The following NUDT3 variants were observed in gnomAD, a reference collection of about 807,000 sequenced individuals.
The protein encoded by NUDT3 is diphosphoinositol polyphosphate phosphohydrolase 1.
In NUDT3, 9 loss-of-function variants were observed where a neutral mutation model predicts 23.6. The observed-to-expected ratio is 0.38, with a 90% CI of 0.23 to 0.66. The LOEUF is 0.66. Ranked by LOEUF, NUDT3 falls within the 30% of genes least tolerant of loss-of-function variation. The pLI is 0.52. For missense variants in NUDT3, 172 were observed against 218.5 expected (o/e 0.79, Z 1.34); for synonymous variants, 86 against 82.6 (o/e 1.04, Z -0.22).
At chr6:34,360,805 T>C (rs1764638765) in intron 1 of NUDT3, among the ~76,000 whole-genome samples, 1 of 151,958 alleles carries the variant, frequency 6.6e-6, no homozygotes, top group Non-Finnish European at 1.5e-5. Context: ...AAAAAAAATA[T>C]TTTCACAAGA....
chr6:34,322,903 G>A (rs900764616), intron 2 of NUDT3, among the ~76,000 whole-genome samples: 4 of 152,186 alleles, frequency 2.6e-5, no homozygotes, highest in African/African-American at 9.7e-5. Flanking sequence ...TATACAAAAT[G>A]GAATACTATG....
Position 34,287,244 on chromosome 6 carries a change from A to G in NUDT3, c.*1509T>C, listed in dbSNP as rs570284897. ...GAATTTTTAAATGAGGCGAACTATG[A>G]TTTTAATTTCACATCTTGGCTAAGG... On this transcript the variant is annotated 3_prime_UTR_variant, in exon 5 of 5. Transcript: ENST00000607016. 6.6e-6 allele frequency: 1 copy of G among 152,284 alleles called. No individual in the cohort carries two copies. Among genetic ancestry groups the G allele is most frequent in the South Asian group, 2.1e-4 (1 of 4,816 alleles). 9.4% of individuals were successfully genotyped at this position (152,284 alleles called of 1,614,324 possible). A position where few individuals can be genotyped will look rare whatever the true frequency, so the allele number is the denominator to read the frequency against.
chr6:34,371,505 A>G (rs1204527672), intron 1 of NUDT3, among the ~76,000 whole-genome samples: 19 of 152,144 alleles, frequency 1.2e-4, no homozygotes, highest in Admixed American at 1.2e-3. Context: ...AGCAAGTCTC[A>G]TACTCAGCAG....
At chr6:34,391,494 G>A (rs1211841259) in intron 1 of NUDT3, among the ~76,000 whole-genome samples, 1 of 152,084 alleles carries the variant, frequency 6.6e-6, no homozygotes, top group Non-Finnish European at 1.5e-5. Flanking sequence ...AAAAGAAACT[G>A]ATTCTAAAAC....
chr6:34,306,441 G>T (rs1298858934), intron 2 of NUDT3, among the ~76,000 whole-genome samples: 3 of 152,168 alleles, frequency 2.0e-5, no homozygotes, highest in Non-Finnish European at 4.4e-5. Context: ...GGCAAGGGTT[G>T]CATTTAGTGT....
rs370141242 is a variant in NUDT3 at position 34,345,925 on chromosome 6, C to T, written c.100-3953G>A. 5.3e-5 allele frequency among the ~76,000 whole-genome samples: 8 copies of T among 152,036 alleles called. No homozygotes were observed. The South Asian group carries it at 1.0e-3, about 20-fold the overall frequency. On this transcript the variant is annotated intron_variant, in intron 1 of 4. Coordinates refer to ENST00000607016, the MANE Select transcript of NUDT3 (RefSeq NM_006703.4). Reference sequence around the variant, plus strand: ...CTGGGATTACAGGAATGCACCACCACGCCCGGCCGATTTTTGTATTTTTAG... The same window carrying T: ...CTGGGATTACAGGAATGCACCACCATGCCCGGCCGATTTTTGTATTTTTAG...
At chr6:34,384,264 T>C (rs901544574) in intron 1 of NUDT3, among the ~76,000 whole-genome samples, 8 of 152,214 alleles carry the variant, frequency 5.3e-5, no homozygotes, top group African/African-American at 1.9e-4. Flanking sequence ...AGCTCCCCTT[T>C]GCCAAGAGAT....
chr6:34,389,462 G>C (rs1765160344), intron 1 of NUDT3, among the ~76,000 whole-genome samples: 1 of 152,068 alleles, frequency 6.6e-6, no homozygotes, highest in South Asian at 2.1e-4. Context: ...CTTTATAACA[G>C]TGTGAAAATG....
intron 1 of NUDT3, among the ~76,000 whole-genome samples, chr6:34,380,079 T>G (rs879641813): frequency 1.1e-4 from 16 of 151,932 alleles, no homozygotes; most frequent in Non-Finnish European, 2.2e-4. Context: ...TTTTTATCTA[T>G]TTATTTATTT....
intron 1 of NUDT3, among the ~76,000 whole-genome samples, chr6:34,359,585 T>A (rs1225140335): frequency 1.3e-5 from 2 of 152,338 alleles, no homozygotes; most frequent in Middle Eastern, 3.4e-3. Flanking sequence ...TCATCCATAT[T>A]GTAGCATGTA....
chr6:34,341,748 C>A (rs781593805), intron 2 of NUDT3, 114 bp downstream of exon 2: 185 of 881,342 alleles, frequency 2.1e-4, no homozygotes, highest in Middle Eastern at 1.5e-3. Flanking sequence ...ATTCATTGCC[C>A]TTTTTCTGTG....
chr6:34,383,579 T>A (rs1450401037), intron 1 of NUDT3, among the ~76,000 whole-genome samples: 1 of 152,204 alleles, frequency 6.6e-6, no homozygotes, highest in Non-Finnish European at 1.5e-5. Flanking sequence ...CAAAAATGTG[T>A]GCTGAAGAAA....
intron 2 of NUDT3, among the ~76,000 whole-genome samples, chr6:34,334,380 T>TGTA (rs1244827115): frequency 2.0e-5 from 3 of 152,180 alleles, no homozygotes; most frequent in Non-Finnish European, 4.4e-5. Context: ...GGCTCACACC[T>TGTA]GTAATCCCAG....
At chr6:34,326,132 C>T (rs1376917147) in intron 2 of NUDT3, among the ~76,000 whole-genome samples, 2 of 150,834 alleles carry the variant, frequency 1.3e-5, no homozygotes, top group African/African-American at 5.0e-5. Context: ...AATGGAAGTT[C>T]GAGAATGCCA....
intron 1 of NUDT3, among the ~76,000 whole-genome samples, chr6:34,373,275 T>C (rs980834305): frequency 3.0e-5 from 3 of 98,692 alleles, no homozygotes; most frequent in African/African-American, 2.0e-4. Context: ...AAAGACTCCG[T>C]CTCAAAAAAA....
chr6:34,335,762 T>G (rs527477237), intron 2 of NUDT3, among the ~76,000 whole-genome samples: 9 of 151,758 alleles, frequency 5.9e-5, no homozygotes, highest in South Asian at 2.1e-4. Context: ...GTTTTTTTTT[T>G]TTGTTTTTTA....
intron 2 of NUDT3, among the ~76,000 whole-genome samples, chr6:34,299,887 A>AGC (rs1763572530): frequency 6.7e-6 from 1 of 149,946 alleles, no homozygotes; most frequent in Admixed American, 6.6e-5. Flanking sequence ...TGGGTGACAC[A>AGC]GTGAGACTGT....
intron 1 of NUDT3, among the ~76,000 whole-genome samples, chr6:34,358,465 T>G (rs967507026): frequency 2.0e-5 from 3 of 152,206 alleles, no homozygotes; most frequent in Non-Finnish European, 2.9e-5. Context: ...TTCTTTTTTG[T>G]TACTGTTATA....
chr6:34,297,393 G>A (rs371546322), intron 2 of NUDT3, among the ~76,000 whole-genome samples: 1 of 151,928 alleles, frequency 6.6e-6, no homozygotes, highest in Admixed American at 6.6e-5. Flanking sequence ...GGTTGGAAAG[G>A]CAGTTCTGTA....
Sources: allele counts gnomAD v4.1 joint callset (sites outside exome capture counted in the v4.1 genomes callset), GRCh38; gene constraint gnomAD v4.1.1; transcripts MANE v1.5; gene names NCBI Gene and HGNC (gene_info 2026-07-23, HGNC 2026-07-21).